Variants in TSHZ3 observed in about 807,000 individuals in gnomAD.
The protein encoded by TSHZ3 is teashirt homolog 3.
TSHZ3 carries 10 observed loss-of-function variants against 64.5 expected under a neutral mutation model. The observed-to-expected ratio is 0.16, with a 90% CI of 0.10 to 0.26. TSHZ3 has a LOEUF of 0.26. Among genes scored for constraint, TSHZ3 ranks in the 10% least tolerant of loss-of-function variants. The pLI is 1.00. For missense variants in TSHZ3, 1,242 were observed against 1,421.7 expected, an observed-to-expected ratio of 0.87 and a Z score of 2.03; for synonymous variants, 608 against 593.1, an observed-to-expected ratio of 1.03 and a Z score of -0.36.
At chr19:31,165,381 T>G (rs1379245847) in intron 5 of TSHZ3, among the ~76,000 whole-genome samples, 4 of 152,176 alleles carry the variant, frequency 2.6e-5, no homozygotes, top group Non-Finnish European at 5.9e-5. Flanking sequence ...AAAAACACAT[T>G]TTTTTTCATG....
intron 4 of TSHZ3, among the ~76,000 whole-genome samples, chr19:31,216,120 C>T (rs1008271149): frequency 6.6e-6 from 1 of 151,992 alleles, no homozygotes; most frequent in Non-Finnish European, 1.5e-5. Context: ...CATCAAAGAA[C>T]ATCAATGGTA....
intron 1 of TSHZ3, among the ~76,000 whole-genome samples, chr19:31,269,661 G>GC (rs1209427988): frequency 1.3e-5 from 2 of 152,102 alleles, no homozygotes; most frequent in African/African-American, 4.8e-5. Flanking sequence ...AATTATGACG[G>GC]TCATAAATGT....
intron 1 of TSHZ3, among the ~76,000 whole-genome samples, chr19:31,310,586 A>G (rs1366495844): frequency 5.9e-5 from 9 of 152,122 alleles, no homozygotes; most frequent in Non-Finnish European, 1.3e-4. Flanking sequence ...AGAATTCAGA[A>G]TGAATGCAGG....
chr19:31,248,378 G>C lies in TSHZ3; in HGVS notation n.64-5503C>G, dbSNP rs149056075. ...AAGCCTGAAATTACAAACTTAAAAAGAAATGGCAAGTTTAAAGGCAAAATA... is the reference window on the plus strand; with the variant it reads ...AAGCCTGAAATTACAAACTTAAAAACAAATGGCAAGTTTAAAGGCAAAATA... On this transcript the variant is annotated intron_variant and non_coding_transcript_variant, in intron 1 of 6. Transcript: ENST00000651361. 3.5e-3 allele frequency among the ~76,000 whole-genome samples: 528 copies of C among 152,256 alleles called. 3 individuals carry two copies. The highest frequency in any genetic ancestry group is 0.011 in the African/African-American group (476 of 41,554).
intron 1 of TSHZ3, among the ~76,000 whole-genome samples, chr19:31,281,711 CTG>C (rs1976363498): frequency 6.6e-6 from 1 of 152,188 alleles, no homozygotes; most frequent in Non-Finnish European, 1.5e-5. Flanking sequence ...ACAGTGAAGA[CTG>C]TGAATGCATG....
chr19:31,273,301 G>A (rs767995037), downstream of TSHZ3, among the ~76,000 whole-genome samples: 24 of 152,164 alleles, frequency 1.6e-4, no homozygotes, highest in South Asian at 8.3e-4. Flanking sequence ...GGACCCCCAC[G>A]TATATGAGCA....
chr19:31,236,865 C>G (rs1975623297), intron 3 of TSHZ3, among the ~76,000 whole-genome samples: 1 of 152,172 alleles, frequency 6.6e-6, no homozygotes, highest in Non-Finnish European at 1.5e-5. Flanking sequence ...AAACAATCAA[C>G]AGGCTGGGCG....
intron 1 of TSHZ3, among the ~76,000 whole-genome samples, chr19:31,261,890 G>T (rs540795873): frequency 6.6e-6 from 1 of 152,108 alleles, no homozygotes; most frequent in Admixed American, 6.6e-5. Context: ...ATATGAAGTC[G>T]GAACCCTCCC....
chr19:31,208,256 C>T lies in TSHZ3; in HGVS notation n.687-3178G>A, dbSNP rs148736678. Reference sequence around the variant, plus strand: ...GGGTCCTGGAAAGTTGGGGGCTGAGCAGCTCCAGGCCTCTAGACTGAAGAA... The same window carrying T: ...GGGTCCTGGAAAGTTGGGGGCTGAGTAGCTCCAGGCCTCTAGACTGAAGAA... On this transcript the variant is annotated intron_variant and non_coding_transcript_variant, in intron 4 of 6. Coordinates refer to the TSHZ3 transcript ENST00000651361. Among the ~76,000 whole-genome samples the T allele has an allele frequency of 2.5e-3, 384 of 152,316 alleles. 1 individual carries two copies. Among genetic ancestry groups the T allele is most frequent in the Non-Finnish European group, 3.6e-3 (247 of 68,022 alleles).
At chr19:31,259,383 G>A (rs1282900294) in intron 1 of TSHZ3, among the ~76,000 whole-genome samples, 1 of 152,076 alleles carries the variant, frequency 6.6e-6, no homozygotes, top group African/African-American at 2.4e-5. Flanking sequence ...AACTCAAACT[G>A]TTCTGCTGAA....
intron 5 of TSHZ3, among the ~76,000 whole-genome samples, chr19:31,204,301 T>C (rs779697088): frequency 6.6e-6 from 1 of 151,476 alleles, no homozygotes; most frequent in Non-Finnish European, 1.5e-5. Context: ...TTTTCTTTCC[T>C]CCCTTCCTCC....
intron 1 of TSHZ3, among the ~76,000 whole-genome samples, chr19:31,335,152 C>T (rs1454062721): frequency 6.6e-6 from 1 of 152,222 alleles, no homozygotes; most frequent in Non-Finnish European, 1.5e-5. Context: ...TAAAGGTTGA[C>T]ATTTTTTATA....
intron 1 of TSHZ3, among the ~76,000 whole-genome samples, chr19:31,328,003 A>T (rs1916978991): frequency 6.6e-6 from 1 of 152,258 alleles, no homozygotes; most frequent in African/African-American, 2.4e-5. Context: ...AGTTACTGAG[A>T]TATCAATAAT....
exon 7 of TSHZ3, among the ~76,000 whole-genome samples, chr19:31,150,667 C>A (rs1974227093): frequency 6.6e-6 from 1 of 152,180 alleles, no homozygotes; most frequent in African/African-American, 2.4e-5. Flanking sequence ...TTCAGGCCAG[C>A]TCTTCAATCC....
intron 1 of TSHZ3, among the ~76,000 whole-genome samples, chr19:31,335,773 G>T (rs2145188749): frequency 6.6e-6 from 1 of 152,306 alleles, no homozygotes; most frequent in East Asian, 1.9e-4. Flanking sequence ...GCTTATCTGG[G>T]TCTCTCTCTA....
chr19:31,245,751 C>T (rs1975751161), intron 1 of TSHZ3, among the ~76,000 whole-genome samples: 1 of 152,172 alleles, frequency 6.6e-6, no homozygotes, highest in South Asian at 2.1e-4. Flanking sequence ...GAGTGCATTC[C>T]CTGCCTCTGA....
intron 5 of TSHZ3, among the ~76,000 whole-genome samples, chr19:31,166,612 A>G (rs1974455644): frequency 6.6e-6 from 1 of 152,174 alleles, no homozygotes; most frequent in African/African-American, 2.4e-5. Flanking sequence ...TGGGCTAATG[A>G]ACATGACCCT....
intron 1 of TSHZ3, among the ~76,000 whole-genome samples, chr19:31,299,858 C>A (rs1334801974): frequency 6.6e-6 from 1 of 152,212 alleles, no homozygotes; most frequent in Non-Finnish European, 1.5e-5. Context: ...AGTAGGAACA[C>A]TGTATCATCG....
intron 1 of TSHZ3, among the ~76,000 whole-genome samples, chr19:31,308,988 C>T (rs960099466): frequency 1.3e-5 from 2 of 152,256 alleles, no homozygotes; most frequent in Non-Finnish European, 2.9e-5. Context: ...TCCCCAAGGC[C>T]GGCCCAGGAG....
Sources: allele counts gnomAD v4.1 joint callset (sites outside exome capture counted in the v4.1 genomes callset), GRCh38; gene constraint gnomAD v4.1.1; transcripts MANE v1.5; gene names NCBI Gene and HGNC (gene_info 2026-07-23, HGNC 2026-07-21).